Variants in PXK observed in about 807,000 individuals in gnomAD.
The protein encoded by PXK is PX domain containing serine/threonine kinase like.
Under a neutral mutation model 84.7 loss-of-function variants are expected in PXK, and 35 were observed. The observed-to-expected ratio is 0.41, with a 90% CI of 0.32 to 0.55. The LOEUF (loss-of-function observed/expected upper bound fraction) is 0.55. PXK is among the 20% of genes least tolerant of loss of function. PXK has a pLI of 0.21. For missense variants in PXK, 634 were observed against 699.7 expected (o/e 0.91, Z 1.06); for synonymous variants, 253 against 260.8 (o/e 0.97, Z 0.29).
chr3:58,342,172 A>T (rs4681678), intron 1 of PXK, among the ~76,000 whole-genome samples: 81,702 of 151,968 alleles, frequency 0.54, 24,428 homozygotes, highest in African/African-American at 0.81. Context: ...TGTTTCAGAA[A>T]GTATTCTAAG....
chr3:58,393,927 C>A (rs2098656137), intron 7 of PXK, among the ~76,000 whole-genome samples: 1 of 152,106 alleles, frequency 6.6e-6, no homozygotes, highest in Non-Finnish European at 1.5e-5. Flanking sequence ...TTTTATTCTA[C>A]CCATTGTGTT....
chr3:58,361,481 A>G (rs777661962), intron 1 of PXK, among the ~76,000 whole-genome samples: 7 of 152,044 alleles, frequency 4.6e-5, no homozygotes, highest in African/African-American at 1.2e-4. Flanking sequence ...CTGTAGCTAC[A>G]CTGCTTCCCT....
Position 58,391,875 on chromosome 3 carries a change from A to G in PXK, c.615+28A>G, listed in dbSNP as rs2098635315. 6 of 1,558,974 alleles carry G rather than the reference A, an allele frequency of 3.8e-6. 1 individual carries two copies. ...GAGTATACGTCTTTCTTTTATTCTC[A>G]GTGCTGATGATAGAGTCACAGTATT... On this transcript the variant is annotated intron_variant, in intron 7 of 17. Coordinates refer to ENST00000356151, the MANE Select transcript of PXK (RefSeq NM_017771.5).
chr3:58,358,421 C>G (rs1166919325), intron 1 of PXK, among the ~76,000 whole-genome samples: 1 of 152,170 alleles, frequency 6.6e-6, no homozygotes, highest in East Asian at 1.9e-4. Context: ...AGTAACTAAG[C>G]GCACCCTGTA....
At chr3:58,423,413 A>G in intron 17 of PXK, 3 of 1,519,602 alleles carry the variant, frequency 2.0e-6, no homozygotes, top group Non-Finnish European at 8.8e-7. Flanking sequence ...GAGCATTCCA[A>G]GATTGCAGAG....
intron 2 of PXK, among the ~76,000 whole-genome samples, chr3:58,369,086 CT>C (rs11360413): frequency 0.76 from 115,758 of 151,850 alleles, 44,259 homozygotes; most frequent in South Asian, 0.82. Flanking sequence ...CTCAGTAAAA[CT>C]TTTTTTTTTA....
chr3:58,377,420 A>G (rs551509487), intron 3 of PXK, among the ~76,000 whole-genome samples: 1 of 152,284 alleles, frequency 6.6e-6, no homozygotes, highest in Admixed American at 6.5e-5. Flanking sequence ...TAATATAAGC[A>G]CAAGTCTAGA....
chr3:58,395,834 G>T, intron 9 of PXK, 75 bp downstream of exon 9: 1 of 1,217,050 alleles, frequency 8.2e-7, no homozygotes. Context: ...AAGTTCTTAA[G>T]TAATATCCAA....
In PXK at chr3:58,409,566, C is replaced by A; in HGVS notation, c.1343C>A (p.Ser448Tyr). ...CATCGAAGACTGACAAGAGCTCAGT[C>A]CCACCATGGATCTGAGGAGGAAAGA... is the stretch of plus-strand genomic sequence containing the variant. ...HQHRRLTRAQ[S>Y]HHGSEEERKK... The change falls in exon 15 of 18, where the codon TCC becomes TAC. Residue 448 changes from serine (S) to tyrosine (Y), a missense_variant. Physicochemically the swap from Ser to Tyr is moderately radical, Grantham distance 144 (BLOSUM62 -2). Coordinates refer to ENST00000356151, the MANE Select transcript of PXK (RefSeq NM_017771.5). The surrounding 1 kb of genome is among the most constrained non-coding windows in gnomAD (Gnocchi z 4.2). 1 of 1,613,648 alleles carries A rather than the reference C, an allele frequency of 6.2e-7. No homozygotes were observed. The highest frequency in any genetic ancestry group is 2.2e-5 in the East Asian group (1 of 44,870).
chr3:58,369,363 A>C, intron 2 of PXK, 68 bp from the exon 3 acceptor site: 1 of 1,257,250 alleles, frequency 8.0e-7, no homozygotes, highest in Non-Finnish European at 1.1e-6. Context: ...ATTCTAATAC[A>C]TATTAAATAA....
In PXK at chr3:58,395,002, C is replaced by G. The variant is rs201150560; in HGVS notation, c.620C>G (p.Pro207Arg). 19 of 1,611,160 alleles carry G rather than the reference C, an allele frequency of 1.2e-5. No homozygotes were observed. The highest frequency in any genetic ancestry group is 1.6e-5 in the Non-Finnish European group (19 of 1,177,456). ...LIKLLPSCLHPYIYRVTFATA... is the reference protein window; with the variant it reads ...LIKLLPSCLHRYIYRVTFATA... ...ATTTCTTTTTTGTTTTGACAGCACC[C>G]TTACATCTATCGGGTTACCTTTGCC... The change falls in exon 8 of 18, where the codon CCT (proline) becomes CGT (arginine). Residue 207 changes from proline to arginine, a missense_variant. Pro to Arg is a moderately radical substitution (Grantham distance 103). Around this residue, in one of 3 missense-constraint regions of PXK, gnomAD observed 353 missense variants for 385.2 expected, o/e 0.92. Coordinates refer to ENST00000356151, the MANE Select transcript of PXK (RefSeq NM_017771.5).
At chr3:58,366,911 C>T (rs182490112) in intron 2 of PXK, among the ~76,000 whole-genome samples, 6 of 152,308 alleles carry the variant, frequency 3.9e-5, no homozygotes, top group Admixed American at 3.3e-4. Flanking sequence ...GTTAACCACT[C>T]TACGATCTTT....
chr3:58,412,650 C>T lies in PXK; in HGVS notation c.1466-251C>T, dbSNP rs1288153431. Among the ~76,000 whole-genome samples the T allele has an allele frequency of 6.6e-6, 1 of 152,134 alleles. No individual in the cohort carries two copies. Among genetic ancestry groups the T allele is most frequent in the Non-Finnish European group, 1.5e-5 (1 of 68,024 alleles). On this transcript the variant is annotated intron_variant, in intron 16 of 17. Coordinates refer to ENST00000356151, the MANE Select transcript of PXK (RefSeq NM_017771.5). The surrounding 1 kb of genome is among the most constrained non-coding windows in gnomAD (Gnocchi z 6.2). ...CTGTTGATGGTGCAAAGTTTCAAAC[C>T]AGGCAGGCCATGGGGAGCAGTGGGA...
At position 58,412,833 on chromosome 3, in the gene PXK, C is replaced by A. The variant is rs2060401387; in HGVS notation, c.1466-68C>A. ...GTAGATTCTCAGACAGCAGTGGGTC[C>A]CAGCCTGGGCCAAATTCCAAATGTC... On this transcript the variant is annotated intron_variant, in intron 16 of 17. Coordinates refer to ENST00000356151, the MANE Select transcript of PXK (RefSeq NM_017771.5). This position sits in a 1 kb window ranked among gnomAD's most constrained non-coding sequence, Gnocchi z 6.2. The A allele has an allele frequency of 6.5e-7, 1 of 1,536,842 alleles. No homozygotes were observed.
Position 58,333,154 on chromosome 3 carries a change from CT to C in PXK, c.102+65del. On this transcript the variant is annotated intron_variant, in intron 1 of 17. Coordinates refer to ENST00000356151, the MANE Select transcript of PXK (RefSeq NM_017771.5). This position sits in a 1 kb window ranked among gnomAD's most constrained non-coding sequence, Gnocchi z 5.4. ...CCCCGGGCCGCGAGGGGGCTGCGGG[CT>C]GCCTGGCGCGGGCCGGGCAGGGTCG... The C allele has an allele frequency of 2.1e-6, 2 of 948,142 alleles. No individual in the cohort carries two copies. Among genetic ancestry groups the C allele is most frequent in the Non-Finnish European group, 2.5e-6 (2 of 786,662 alleles). The allele number at this position is 948,142 out of a possible 1,614,324, so 58.7% of individuals were successfully genotyped here.
Position 58,390,712 on chromosome 3 carries a change from C to A in PXK, c.466+53C>A. ...AAAAAGACAGATCACAGAACTGGAT[C>A]CTTAGTCATGCTTTCTGATACGTAT... On this transcript the variant is annotated intron_variant, in intron 5 of 17. Coordinates refer to ENST00000356151, the MANE Select transcript of PXK (RefSeq NM_017771.5). This position sits in a 1 kb window ranked among gnomAD's most constrained non-coding sequence, Gnocchi z 4.2. 1 of 1,517,024 alleles carries A rather than the reference C, an allele frequency of 6.6e-7. No homozygotes were observed. Among genetic ancestry groups the A allele is most frequent in the Non-Finnish European group, 9.0e-7 (1 of 1,105,428 alleles). 94.0% of individuals were successfully genotyped at this position (1,517,024 alleles called of 1,614,324 possible). A position where few individuals can be genotyped will look rare whatever the true frequency, so the allele number is the denominator to read the frequency against.
At chr3:58,419,552 C>G (rs1233459720) in intron 17 of PXK, among the ~76,000 whole-genome samples, 1 of 152,226 alleles carries the variant, frequency 6.6e-6, no homozygotes, top group East Asian at 1.9e-4. Context: ...CACACCCAGC[C>G]AAGTTATTTC....
rs542331845 is a variant in PXK, at chr3:58,364,582, G to C, written c.103-1292G>C. Among the ~76,000 whole-genome samples the C allele has an allele frequency of 6.6e-6, 1 of 152,060 alleles. No homozygotes were observed. Among genetic ancestry groups the C allele is most frequent in the Non-Finnish European group, 1.5e-5 (1 of 68,002 alleles). On this transcript the variant is annotated intron_variant, in intron 1 of 17. Transcript: ENST00000356151. This position sits in a 1 kb window ranked among gnomAD's most constrained non-coding sequence, Gnocchi z 4.3. ...CAAAAATTAGCCGGGAACAGTGGCA[G>C]GCACCTGTAATCCCAGCTACTCAGG...
In PXK at chr3:58,333,102, AGCGG is replaced by A. The variant is rs771296548; in HGVS notation, c.102+25_102+28del. 6.2e-4 allele frequency: 716 copies of A among 1,154,044 alleles called. 1 individual carries two copies. The highest frequency in any genetic ancestry group is 6.9e-4 in the Non-Finnish European group (643 of 932,920). The allele number at this position is 1,154,044 out of a possible 1,614,324, so 71.5% of individuals were successfully genotyped here. On this transcript the variant is annotated intron_variant, in intron 1 of 17. Coordinates refer to ENST00000356151, the MANE Select transcript of PXK (RefSeq NM_017771.5). The surrounding 1 kb of genome is among the most constrained non-coding windows in gnomAD (Gnocchi z 5.4). ...TGCAGTCCCACACGGTGCGCGGCCC[AGCGG>A]GCGGGCGGGCGGCGTGGGGCGGCCC...
Sources: gnomAD v4.1 joint callset for allele counts (sites outside exome capture counted in the v4.1 genomes callset) on GRCh38, gnomAD v4.1.1 for gene constraint, gnomAD v4.1.1 regional missense constraint, Gnocchi (gnomAD v3.1) non-coding constraint, MANE v1.5 for transcripts, NCBI Gene and HGNC (gene_info 2026-07-23, HGNC 2026-07-21) for gene names.